CACNA1C: variants seen among roughly 807,000 people sequenced by gnomAD.
The protein encoded by CACNA1C is calcium voltage-gated channel subunit alpha1 C.
Under a neutral mutation model 229.0 loss-of-function variants are expected in CACNA1C, and 30 were observed. That is an observed-to-expected ratio of 0.13 (90% CI 0.10 to 0.18). The LOEUF is 0.18. Among genes scored for constraint, CACNA1C ranks in the 10% least tolerant of loss-of-function variants. The pLI, the probability that CACNA1C is intolerant of heterozygous loss-of-function variation, is 1.00. For synonymous variants in CACNA1C, 1,114 were observed against 1,132.5 expected (o/e 0.98, Z 0.33); for missense variants, 1,658 against 2,845.0 (o/e 0.58, Z 9.49).
At chr12:2,244,816 A>T (rs925863391) in intron 3 of CACNA1C, among the ~76,000 whole-genome samples, 2 of 152,230 alleles carry the variant, frequency 1.3e-5, no homozygotes, top group African/African-American at 4.8e-5. Flanking sequence ...GTTAATAAAC[A>T]GGGGGATTAG....
At chr12:2,038,051 AT>A (rs999600437) in intron 1 of CACNA1C, among the ~76,000 whole-genome samples, 1 of 151,968 alleles carries the variant, frequency 6.6e-6, no homozygotes, top group African/African-American at 2.4e-5. Flanking sequence ...TTTTCTCTGC[AT>A]TTCCCTTCAC....
intron 3 of CACNA1C, chr12:2,223,379 G>C (rs1380178482): frequency 1.3e-5 from 2 of 152,210 alleles, no homozygotes; most frequent in African/African-American, 4.8e-5. Flanking sequence ...TACCAACAAG[G>C]ATACCTGTTC....
intron 1 of CACNA1C, among the ~76,000 whole-genome samples, chr12:2,068,350 AG>A (rs1280110384): frequency 2.0e-5 from 3 of 151,964 alleles, no homozygotes; most frequent in African/African-American, 7.2e-5. Flanking sequence ...GGTGTGGGGG[AG>A]GGTTGTGAGT....
intron 3 of CACNA1C, among the ~76,000 whole-genome samples, chr12:2,424,045 C>A (rs763544479): frequency 6.6e-6 from 1 of 151,908 alleles, no homozygotes; most frequent in Non-Finnish European, 1.5e-5. Flanking sequence ...TTCAGTAACC[C>A]GCGCACATTA....
At chr12:2,426,100 C>T (rs541592919) in intron 3 of CACNA1C, among the ~76,000 whole-genome samples, 1 of 152,276 alleles carries the variant, frequency 6.6e-6, no homozygotes, top group African/African-American at 2.4e-5. Context: ...GGGCAGGGAA[C>T]ACTGGTGAGA....
chr12:2,173,007 G>A (rs1033764061), intron 3 of CACNA1C, among the ~76,000 whole-genome samples: 16 of 152,302 alleles, frequency 1.1e-4, no homozygotes, highest in African/African-American at 2.4e-4. Flanking sequence ...GGAGACTGGC[G>A]TCTGTCCAGG....
rs140536278 is a variant in CACNA1C at position 2,296,183 on chromosome 12, T to C, written c.478-152793T>C. 5.6e-3 allele frequency among the ~76,000 whole-genome samples: 860 copies of C among 152,302 alleles called. 9 individuals carry two copies. The highest frequency in any genetic ancestry group is 0.023 in the South Asian group (111 of 4,816). On this transcript the variant is annotated intron_variant, in intron 3 of 46. Transcript: ENST00000399655. ...ATGAGTGAGCACAAATGTTTATCCA[T>C]GCTAATGGAGTGGGGACGTGATAGT...
intron 3 of CACNA1C, among the ~76,000 whole-genome samples, chr12:2,273,841 A>T (rs1159570842): frequency 6.6e-6 from 1 of 152,200 alleles, no homozygotes; most frequent in African/African-American, 2.4e-5. Flanking sequence ...GAGGGGGTCA[A>T]GGAGGCTGTC....
At chr12:2,156,069 G>A (rs1313247799) in intron 3 of CACNA1C, among the ~76,000 whole-genome samples, 2 of 152,158 alleles carry the variant, frequency 1.3e-5, no homozygotes, top group South Asian at 2.1e-4. Flanking sequence ...AAGAAACATG[G>A]CAAAGGGGTG....
At chr12:1,973,338 GAA>G (rs2033155332) in intron 1 of CACNA1C, among the ~76,000 whole-genome samples, 1 of 152,062 alleles carries the variant, frequency 6.6e-6, no homozygotes, top group South Asian at 2.1e-4. Context: ...CATTTTGGGG[GAA>G]ACAGTAGAAA....
chr12:2,177,279 C>T (rs1006174521), intron 3 of CACNA1C, among the ~76,000 whole-genome samples: 7 of 152,134 alleles, frequency 4.6e-5, no homozygotes, highest in East Asian at 1.9e-4. Flanking sequence ...TCCCGTTGTT[C>T]GTCTTCTCCT....
chr12:2,331,003 G>A lies in CACNA1C; in HGVS notation c.478-117973G>A, dbSNP rs2096529472. Among the ~76,000 whole-genome samples the A allele has an allele frequency of 2.0e-5, 3 of 152,264 alleles. No homozygotes were observed. In the South Asian group the frequency reaches 6.2e-4, roughly 32 times the overall value. The stretch of plus-strand genomic sequence containing the variant: ...GGAAGTCTCTGCATCAGGAATAAAA[G>A]AGCAAACAATAAATTTGGGAAAGTA... On this transcript the variant is annotated intron_variant, in intron 3 of 46. Coordinates refer to ENST00000399655, the MANE Select transcript of CACNA1C (RefSeq NM_000719.7).
At chr12:2,590,326 G>GCAGCAGCAACTCCAGCA (rs2064661806) in intron 18 of CACNA1C, among the ~76,000 whole-genome samples, 1 of 152,000 alleles carries the variant, frequency 6.6e-6, no homozygotes, top group Non-Finnish European at 1.5e-5. Flanking sequence ...CAACTCCAGC[G>GCAGCAGCAACTCCAGCA]TGCAGCAGCA....
At chr12:2,685,011 A>G (rs989030806) in intron 43 of CACNA1C, among the ~76,000 whole-genome samples, 17 of 152,230 alleles carry the variant, frequency 1.1e-4, no homozygotes, top group African/African-American at 3.6e-4. Flanking sequence ...CTGACCCAGC[A>G]GAGATTGTGA....
At chr12:2,043,877 G>A (rs1487091311) in intron 1 of CACNA1C, among the ~76,000 whole-genome samples, 2 of 150,106 alleles carry the variant, frequency 1.3e-5, no homozygotes, top group Non-Finnish European at 3.0e-5. Context: ...GGATGGTCTC[G>A]ATCTCCTGAC....
At chr12:2,425,653 G>C in intron 3 of CACNA1C, among the ~76,000 whole-genome samples, 1 of 152,162 alleles carries the variant, frequency 6.6e-6, no homozygotes, top group East Asian at 1.9e-4. Flanking sequence ...CTTTAGAGGT[G>C]TGGCTTTAAA....
intron 3 of CACNA1C, among the ~76,000 whole-genome samples, chr12:2,333,278 G>A (rs73605768): frequency 0.028 from 4,288 of 152,130 alleles, 134 homozygotes; most frequent in African/African-American, 0.07. Context: ...TAAGAGGTGC[G>A]GCTGGAATTC....
chr12:2,427,802 T>C (rs1286156018), intron 3 of CACNA1C, among the ~76,000 whole-genome samples: 2 of 152,072 alleles, frequency 1.3e-5, no homozygotes, highest in African/African-American at 4.8e-5. Context: ...GTATTTTTAG[T>C]AGAGACGGAG....
chr12:2,223,969 C>T (rs1223257071), intron 3 of CACNA1C, among the ~76,000 whole-genome samples: 1 of 152,162 alleles, frequency 6.6e-6, no homozygotes, highest in Non-Finnish European at 1.5e-5. Context: ...AAGGTGCACA[C>T]ACAAAATCCC....
Sources: gnomAD v4.1 joint callset for allele counts (sites outside exome capture counted in the v4.1 genomes callset) on GRCh38, gnomAD v4.1.1 for gene constraint, MANE v1.5 for transcripts, NCBI Gene and HGNC (gene_info 2026-07-23, HGNC 2026-07-21) for gene names.